Variants in SOS1 observed in about 807,000 individuals in gnomAD.
The protein encoded by SOS1 is son of sevenless homolog 1.
Under a neutral mutation model 157.6 loss-of-function variants are expected in SOS1, and 25 were observed. The ratio of observed to expected loss-of-function variants is 0.16; its 90% CI spans 0.12 to 0.22. The LOEUF is 0.22. SOS1 is among the 10% of genes least tolerant of loss of function. SOS1 has a pLI of 1.00. For synonymous variants in SOS1, 528 were observed against 534.0 expected, an observed-to-expected ratio of 0.99 and a Z score of 0.16; for missense variants, 1,237 against 1,599.1, an observed-to-expected ratio of 0.77 and a Z score of 3.86.
Position 39,120,528 on chromosome 2 carries a change from G to C in SOS1, c.-106C>G. ...GCGGAACAGGGCCGCGGCCCCACCG[G>C]ACGGCCCGGCCCCCTCCGGGCGCCG... On this transcript the variant is annotated 5_prime_UTR_variant, in exon 1 of 23. Coordinates refer to ENST00000402219, the MANE Select transcript of SOS1 (RefSeq NM_005633.4). The C allele has an allele frequency of 1.8e-6, 2 of 1,131,996 alleles. No individual in the cohort carries two copies. The highest frequency in any genetic ancestry group is 2.2e-6 in the Non-Finnish European group (2 of 925,288). 70.1% of individuals were successfully genotyped at this position (1,131,996 alleles called of 1,614,324 possible).
upstream of SOS1, among the ~76,000 whole-genome samples, chr2:39,122,422 C>T (rs1450069450): frequency 6.9e-6 from 1 of 143,904 alleles, no homozygotes; most frequent in African/African-American, 2.6e-5. Context: ...AAAACCAAAA[C>T]TCCGTTTCAA....
intron 8 of SOS1, among the ~76,000 whole-genome samples, chr2:39,032,934 C>T (rs957567020): frequency 1.3e-4 from 19 of 151,970 alleles, no homozygotes; most frequent in Non-Finnish European, 1.6e-4. Flanking sequence ...CACTGCACTC[C>T]AGCCTGGAGA....
chr2:39,085,099 G>T (rs1415385259), intron 1 of SOS1, among the ~76,000 whole-genome samples: 2 of 152,066 alleles, frequency 1.3e-5, no homozygotes, highest in Non-Finnish European at 2.9e-5. Context: ...AGGTTGGACT[G>T]CAGTGTCGTG....
intron 5 of SOS1, among the ~76,000 whole-genome samples, chr2:39,052,000 C>T (rs1671034020): frequency 6.6e-6 from 1 of 152,098 alleles, no homozygotes; most frequent in Non-Finnish European, 1.5e-5. Flanking sequence ...CATTTCATTA[C>T]CACAAGAAGA....
intron 1 of SOS1, among the ~76,000 whole-genome samples, chr2:39,096,228 T>C (rs1183692024): frequency 6.6e-6 from 1 of 152,218 alleles, no homozygotes; most frequent in Non-Finnish European, 1.5e-5. Context: ...CCTTATATTT[T>C]TACATTACAT....
At chr2:39,115,675 T>C (rs1673624126) in intron 1 of SOS1, among the ~76,000 whole-genome samples, 1 of 152,138 alleles carries the variant, frequency 6.6e-6, no homozygotes, top group African/African-American at 2.4e-5. Flanking sequence ...TGGGCTCAAG[T>C]AATCCTCCCA....
chr2:39,110,360 G>A (rs113851674), intron 1 of SOS1, among the ~76,000 whole-genome samples: 12 of 151,918 alleles, frequency 7.9e-5, no homozygotes, highest in Admixed American at 1.3e-4. Flanking sequence ...TCCTCCTCCC[G>A]CAGATACTTT....
intron 1 of SOS1, among the ~76,000 whole-genome samples, chr2:39,082,292 T>C (rs1672230316): frequency 6.6e-6 from 1 of 152,214 alleles, no homozygotes; most frequent in South Asian, 2.1e-4. Context: ...ATTTTGTTTT[T>C]AGATGGGTTC....
chr2:39,117,307 G>T (rs184493251), intron 1 of SOS1, among the ~76,000 whole-genome samples: 4 of 152,244 alleles, frequency 2.6e-5, no homozygotes, highest in South Asian at 4.2e-4. Flanking sequence ...GATTACAGGC[G>T]TGAGCCACTG....
chr2:39,018,059 G>C (rs2124526556), intron 10 of SOS1, among the ~76,000 whole-genome samples: 1 of 151,904 alleles, frequency 6.6e-6, no homozygotes, highest in East Asian at 1.9e-4. Flanking sequence ...TGGAGCAGCA[G>C]TTATCTACCC....
rs181612587 is a variant in SOS1 at position 39,018,585 on chromosome 2, T to G, written c.1859-3739A>C. On this transcript the variant is annotated intron_variant, in intron 10 of 22. Transcript: ENST00000402219. Reference sequence around the variant, plus strand: ...AAATTTTAGGAACTCAGAGTATACCTACATTAGTGTTCAGAATATAGATTG... The same window carrying G: ...AAATTTTAGGAACTCAGAGTATACCGACATTAGTGTTCAGAATATAGATTG... Among the ~76,000 whole-genome samples the G allele has an allele frequency of 2.1e-3, 312 of 151,954 alleles. 3 individuals carry two copies. The highest frequency in any genetic ancestry group is 6.9e-3 in the African/African-American group (287 of 41,558).
At chr2:39,036,470 T>C (rs995595698) in intron 6 of SOS1, among the ~76,000 whole-genome samples, 1 of 152,058 alleles carries the variant, frequency 6.6e-6, no homozygotes, top group African/African-American at 2.4e-5. Context: ...CCCACCTCAG[T>C]CTCCTGAGTA....
At chr2:39,080,081 A>G (rs1024482996) in intron 1 of SOS1, among the ~76,000 whole-genome samples, 41 of 152,006 alleles carry the variant, frequency 2.7e-4, no homozygotes. Flanking sequence ...CTTTATTTCT[A>G]TTATTACATT....
chr2:39,004,469 A>G (rs891765904), intron 17 of SOS1, among the ~76,000 whole-genome samples: 2 of 151,498 alleles, frequency 1.3e-5, no homozygotes, highest in African/African-American at 4.8e-5. Context: ...AGAATCATTC[A>G]GTAAACCTAG....
chr2:38,984,703 TATA>T lies in SOS1; in HGVS notation c.*1118_*1120del, dbSNP rs1363540620. ...AAATAAGAATCAACCATTTTCTTCA[TATA>T]ATAATTTAATATATGCCAGCCAAAC... On this transcript the variant is annotated 3_prime_UTR_variant, in exon 23 of 23. Transcript: ENST00000402219. 1 of 152,200 alleles carries T rather than the reference TATA, an allele frequency of 6.6e-6. No homozygotes were observed. The highest frequency in any genetic ancestry group is 1.5e-5 in the Non-Finnish European group (1 of 68,028). 9.4% of individuals were successfully genotyped at this position (152,200 alleles called of 1,614,324 possible).
At chr2:39,110,045 T>TGC (rs1558518242) in intron 1 of SOS1, among the ~76,000 whole-genome samples, 1 of 147,656 alleles carries the variant, frequency 6.8e-6, no homozygotes, top group Non-Finnish European at 1.5e-5. Context: ...TGTGCGTGTG[T>TGC]GTGTGTGTGT....
At chr2:39,119,924 G>A (rs1475330793) in intron 1 of SOS1, among the ~76,000 whole-genome samples, 2 of 152,098 alleles carry the variant, frequency 1.3e-5, no homozygotes, top group Admixed American at 1.3e-4. Context: ...TACGGCCAGG[G>A]CATTCTCAAG....
At chr2:39,010,053 C>T (rs1044446387) in intron 15 of SOS1, among the ~76,000 whole-genome samples, 2 of 152,112 alleles carry the variant, frequency 1.3e-5, no homozygotes, top group South Asian at 2.1e-4. Flanking sequence ...CGATGGCTCA[C>T]GCCTGTAATC....
In SOS1 at chr2:38,982,875, A is replaced by G. The variant is rs1296258394; in HGVS notation, c.*2949T>C. ...CTTTAAGAATTTAGAATCATAATAT[A>G]GCCTCCAGCTGACATAGTAATTGTT... On this transcript the variant is annotated 3_prime_UTR_variant, in exon 23 of 23. Transcript: ENST00000402219. 1 of 152,152 alleles carries G rather than the reference A, an allele frequency of 6.6e-6. No individual in the cohort carries two copies. The highest frequency in any genetic ancestry group is 2.4e-5 in the African/African-American group (1 of 41,440). 9.4% of individuals were successfully genotyped at this position (152,152 alleles called of 1,614,324 possible). A position where few individuals can be genotyped will look rare whatever the true frequency, so the allele number is the denominator to read the frequency against.
Sources: gnomAD v4.1 joint callset for allele counts (sites outside exome capture counted in the v4.1 genomes callset) on GRCh38, gnomAD v4.1.1 for gene constraint, MANE v1.5 for transcripts, NCBI Gene and HGNC (gene_info 2026-07-23, HGNC 2026-07-21) for gene names.